The following DIAPH2 variants were observed in gnomAD, a reference collection of about 807,000 sequenced individuals.
The protein encoded by DIAPH2 is diaphanous related formin 2, also known as protein diaphanous homolog 2.
Under a neutral mutation model 92.7 loss-of-function variants are expected in DIAPH2, and 35 were observed. That is an observed-to-expected ratio of 0.38 (90% CI 0.29 to 0.50). DIAPH2 has a LOEUF of 0.50. Among genes scored for constraint, DIAPH2 ranks in the 20% least tolerant of loss-of-function variants. The pLI is 0.94. For synonymous variants in DIAPH2, 301 were observed against 280.4 expected (o/e 1.07, Z -0.73); for missense variants, 701 against 819.5 (o/e 0.86, Z 1.77).
intron 17 of DIAPH2, among the ~76,000 whole-genome samples, chrX:97,001,238 G>A (rs2066141749): frequency 8.9e-6 from 1 of 112,024 alleles, no homozygotes; most frequent in African/African-American, 3.3e-5. Context: ...GCTATTTCCT[G>A]ACTAACTTCC....
intron 23 of DIAPH2, among the ~76,000 whole-genome samples, chrX:97,275,680 G>T (rs766460760): frequency 3.9e-4 from 43 of 108,913 alleles, no homozygotes; most frequent in Non-Finnish European, 6.9e-4. Context: ...ATCCCAGACG[G>T]GGCGGCGGGG....
intron 3 of DIAPH2, among the ~76,000 whole-genome samples, chrX:96,753,508 C>A (rs755794791): frequency 1.8e-5 from 2 of 111,563 alleles, no homozygotes; most frequent in Non-Finnish European, 3.8e-5. Flanking sequence ...GTACTTTAGC[C>A]TGAAAGAAGG....
intron 26 of DIAPH2, among the ~76,000 whole-genome samples, chrX:97,548,635 G>A (rs1397736656): frequency 8.9e-6 from 1 of 112,299 alleles, no homozygotes; most frequent in Admixed American, 9.4e-5. Context: ...TTAAAGCAAT[G>A]TAATATTTTT....
intron 26 of DIAPH2, among the ~76,000 whole-genome samples, chrX:97,567,424 A>AGTT (rs1468566129): frequency 2.7e-5 from 3 of 111,963 alleles, no homozygotes; most frequent in African/African-American, 9.7e-5. Context: ...GTCAGTTAAT[A>AGTT]GTTGGTACAT....
intron 4 of DIAPH2, among the ~76,000 whole-genome samples, chrX:96,880,390 T>A (rs777922333): frequency 1.8e-5 from 2 of 111,926 alleles, no homozygotes; most frequent in East Asian, 5.6e-4. Flanking sequence ...TCTAATGGGA[T>A]TTTTGAAATT....
At chrX:97,139,333 A>G (rs1211666830) in intron 21 of DIAPH2, among the ~76,000 whole-genome samples, 1 of 107,715 alleles carries the variant, frequency 9.3e-6, no homozygotes, top group Non-Finnish European at 1.9e-5. Flanking sequence ...TTATATATAT[A>G]TATATTTTAA....
intron 5 of DIAPH2, among the ~76,000 whole-genome samples, chrX:96,909,966 G>A (rs2065459195): frequency 9.1e-6 from 1 of 110,301 alleles, no homozygotes; most frequent in Non-Finnish European, 1.9e-5. Flanking sequence ...GTAAAATTCA[G>A]AATTTTAGAA....
At chrX:96,728,044 A>C (rs1404875217) in intron 1 of DIAPH2, among the ~76,000 whole-genome samples, 1 of 45,330 alleles carries the variant, frequency 2.2e-5, no homozygotes, top group Non-Finnish European at 3.8e-5. Flanking sequence ...ACTCCGTCTC[A>C]AAAAAAAAAA....
chrX:96,890,006 T>G (rs778878430), intron 5 of DIAPH2, among the ~76,000 whole-genome samples: 11 of 110,938 alleles, frequency 9.9e-5, no homozygotes, highest in Non-Finnish European at 1.7e-4. Context: ...TTTTGAGGAA[T>G]GGAATGGCAT....
intron 21 of DIAPH2, among the ~76,000 whole-genome samples, chrX:97,137,003 A>G (rs765131551): frequency 1.8e-5 from 2 of 108,676 alleles, no homozygotes; most frequent in African/African-American, 3.3e-5. Context: ...TAAAAGTACC[A>G]TGCATCATTT....
At chrX:96,728,014 A>G (rs1417130105) in intron 1 of DIAPH2, among the ~76,000 whole-genome samples, 5 of 101,625 alleles carry the variant, frequency 4.9e-5, no homozygotes, top group African/African-American at 1.5e-4. Context: ...ACTGCACTCC[A>G]GCCTGGGTGA....
At chrX:96,962,288 T>TATATATATACATATATATATAC (rs1569436384) in intron 16 of DIAPH2, among the ~76,000 whole-genome samples, 2 of 63,492 alleles carry the variant, frequency 3.1e-5, no homozygotes, top group East Asian at 8.0e-4. Context: ...TATATATACA[T>TATATATATACATATATATATAC]ATATATATAT....
intron 23 of DIAPH2, among the ~76,000 whole-genome samples, chrX:97,289,639 G>T (rs1048160496): frequency 9.0e-6 from 1 of 111,385 alleles, no homozygotes; most frequent in Non-Finnish European, 1.9e-5. Context: ...GAGAACCATG[G>T]GTTCCTAACC....
intron 5 of DIAPH2, among the ~76,000 whole-genome samples, 184 bp downstream of exon 5, chrX:96,881,902 C>T (rs952026507): frequency 9.0e-6 from 1 of 111,431 alleles, no homozygotes; most frequent in Non-Finnish European, 1.9e-5. Flanking sequence ...TTAGTTGGAT[C>T]TCTAGTAATG....
chrX:97,158,020 C>G (rs2067337502), intron 22 of DIAPH2, among the ~76,000 whole-genome samples: 1 of 111,692 alleles, frequency 9.0e-6, no homozygotes. Flanking sequence ...ACAGTCTTGT[C>G]TGAAGTAAAA....
chrX:97,255,926 A>C (rs1264927282), intron 23 of DIAPH2, among the ~76,000 whole-genome samples: 2 of 112,013 alleles, frequency 1.8e-5, no homozygotes, highest in Non-Finnish European at 3.8e-5. Flanking sequence ...TGTTCAGGGA[A>C]TTGATAGACA....
chrX:97,455,168 C>G (rs1480661600), intron 26 of DIAPH2, among the ~76,000 whole-genome samples: 2 of 112,236 alleles, frequency 1.8e-5, no homozygotes, highest in East Asian at 5.6e-4. Flanking sequence ...GATCAACTCA[C>G]TGTGTGAGGT....
chrX:97,298,638 G>A (rs1196177982), intron 23 of DIAPH2, among the ~76,000 whole-genome samples: 1 of 96,344 alleles, frequency 1.0e-5, no homozygotes, highest in Non-Finnish European at 2.0e-5. Context: ...TTATTGAAAC[G>A]GAGTCTCACT....
At chrX:97,384,728 T>C (rs188499947) in intron 25 of DIAPH2, among the ~76,000 whole-genome samples, 93 of 110,039 alleles carry the variant, frequency 8.5e-4, no homozygotes, top group African/African-American at 3.0e-3. Flanking sequence ...TAGCCAGGCA[T>C]GGTGGCAGGC....
Sources: gnomAD v4.1 joint callset for allele counts (sites outside exome capture counted in the v4.1 genomes callset) on GRCh38, gnomAD v4.1.1 for gene constraint, MANE v1.5 for transcripts, NCBI Gene and HGNC (gene_info 2026-07-23, HGNC 2026-07-21) for gene names.